Variants in CD55 observed in about 807,000 individuals in gnomAD.
The protein encoded by CD55 is complement decay-accelerating factor.
A neutral mutation model predicts 45.8 loss-of-function variants in CD55; 41 were observed. That is an observed-to-expected ratio of 0.90 (90% CI 0.70 to 1.16). The LOEUF (loss-of-function observed/expected upper bound fraction) is 1.16. Among genes scored for constraint, CD55 ranks in the 50% most tolerant of loss-of-function variants. The pLI is 0.00. For synonymous variants in CD55, 181 were observed against 181.1 expected, an observed-to-expected ratio of 1.00 and a Z score of 0.01; for missense variants, 416 against 469.8, an observed-to-expected ratio of 0.89 and a Z score of 1.06.
intron 9 of CD55, among the ~76,000 whole-genome samples, chr1:207,341,239 T>C (rs2102416194): frequency 6.6e-6 from 1 of 152,312 alleles, no homozygotes; most frequent in South Asian, 2.1e-4. Context: ...TGTTGATTGT[T>C]TCCTTTGCTG....
At chr1:207,339,978 T>C in intron 9 of CD55, among the ~76,000 whole-genome samples, 1 of 152,292 alleles carries the variant, frequency 6.6e-6, no homozygotes, top group East Asian at 1.9e-4. Flanking sequence ...TTTTAGGTCC[T>C]TTCTTCTAGT....
intron 3 of CD55, 28 bp from the exon 4 acceptor site, chr1:207,325,594 T>TA: frequency 2.1e-6 from 3 of 1,457,998 alleles, no homozygotes; most frequent in African/African-American, 2.8e-5. Flanking sequence ...AATTTAATTT[T>TA]AAAAAATCAA....
At chr1:207,338,432 A>C (rs1213944790) in intron 8 of CD55, among the ~76,000 whole-genome samples, 1 of 152,166 alleles carries the variant, frequency 6.6e-6, no homozygotes, top group Non-Finnish European at 1.5e-5. Flanking sequence ...TAATAGGGCA[A>C]GGCAAAGAGA....
chr1:207,353,533 G>A (rs1201402580), intron 9 of CD55, among the ~76,000 whole-genome samples: 1 of 152,066 alleles, frequency 6.6e-6, no homozygotes, highest in African/African-American at 2.4e-5. Context: ...AATAAGATGT[G>A]GTTACAGGGG....
chr1:207,321,967 G>T, intron 1 of CD55, 102 bp downstream of exon 1: 1 of 811,266 alleles, frequency 1.2e-6, no homozygotes, highest in Middle Eastern at 3.7e-4. Flanking sequence ...CAGGTGGGGA[G>T]CTTGGCCCGC....
chr1:207,325,733 C>T lies in CD55; in HGVS notation c.578+12C>T. The stretch of plus-strand genomic sequence containing the variant: ...TCATGTAACACAGGGTAAGTTTGGG[C>T]ATACTAAAACCCTGTATTTAGGAAA... On this transcript the variant is annotated intron_variant, in intron 4 of 9. Transcript: ENST00000367064. The T allele has an allele frequency of 6.8e-7, 1 of 1,471,076 alleles. No homozygotes were observed. The highest frequency in any genetic ancestry group is 9.5e-7 in the Non-Finnish European group (1 of 1,053,214). 91.1% of individuals were successfully genotyped at this position (1,471,076 alleles called of 1,614,324 possible). A position where few individuals can be genotyped will look rare whatever the true frequency, so the allele number is the denominator to read the frequency against.
chr1:207,327,511 G>C (rs1237111023), intron 5 of CD55, among the ~76,000 whole-genome samples: 2 of 152,102 alleles, frequency 1.3e-5, no homozygotes, highest in Non-Finnish European at 2.9e-5. Context: ...ATGTCAATTA[G>C]AGACACATGT....
chr1:207,335,506 A>G (rs561003757), intron 6 of CD55, among the ~76,000 whole-genome samples: 11 of 152,354 alleles, frequency 7.2e-5, no homozygotes, highest in East Asian at 1.9e-4. Flanking sequence ...CTAAGGTAGT[A>G]TATACATTCT....
intron 6 of CD55, among the ~76,000 whole-genome samples, chr1:207,336,328 C>A (rs1315589415): frequency 1.3e-5 from 2 of 152,122 alleles, no homozygotes; most frequent in Non-Finnish European, 2.9e-5. Context: ...TGTTCTAGAA[C>A]AACATCCTGT....
chr1:207,331,411 T>G, intron 6 of CD55, 115 bp downstream of exon 6: 3 of 793,360 alleles, frequency 3.8e-6, no homozygotes, highest in Non-Finnish European at 6.1e-6. Context: ...TACATATACA[T>G]ATTTGTATTT....
chr1:207,322,803 G>T (rs1654485197), intron 2 of CD55, among the ~76,000 whole-genome samples: 1 of 152,168 alleles, frequency 6.6e-6, no homozygotes, highest in Non-Finnish European at 1.5e-5. Flanking sequence ...CGAACTAGTA[G>T]AGAAAATAAA....
rs1482652186 is a variant in CD55, at chr1:207,321,781, C to A, written c.16C>A (p.Pro6Thr). Residue 6 changes from proline to threonine, a missense_variant, in exon 1 of 10, where the codon CCG (proline) becomes ACG (threonine). By Grantham distance (38) the Pro-to-Thr change is conservative. Around this residue, in one of 3 missense-constraint regions of CD55, gnomAD observed 123 missense variants for 105.1 expected, o/e 1.17. Transcript: ENST00000367064. ...CCGGCGCGCCATGACCGTCGCGCGG[C>A]CGAGCGTGCCCGCGGCGCTGCCCCT... MTVAR[P>T]SVPAALPLLG... is the part of the protein sequence containing the mutation. 4 of 1,520,396 alleles carry A rather than the reference C, an allele frequency of 2.6e-6. No individual in the cohort carries two copies. The South Asian group carries it at 3.6e-5, about 14-fold the overall frequency. The allele number at this position is 1,520,396 out of a possible 1,614,324, so 94.2% of individuals were successfully genotyped here.
intron 5 of CD55, among the ~76,000 whole-genome samples, chr1:207,329,446 T>C (rs1219860904): frequency 2.1e-4 from 32 of 152,204 alleles, no homozygotes; most frequent in Admixed American, 2.1e-3. Context: ...TAGACATCTA[T>C]TTCCTCCTTA....
chr1:207,351,253 T>A (rs550177182), intron 9 of CD55, among the ~76,000 whole-genome samples: 37 of 152,334 alleles, frequency 2.4e-4, no homozygotes, highest in African/African-American at 8.2e-4. Flanking sequence ...AAAATTGCTT[T>A]ATGGTTGAGC....
chr1:207,326,268 A>G (rs190553979), intron 4 of CD55, among the ~76,000 whole-genome samples: 4 of 152,328 alleles, frequency 2.6e-5, no homozygotes, highest in African/African-American at 9.6e-5. Context: ...CTGTAAATTA[A>G]ATAATTCTAT....
At chr1:207,323,654 T>G (rs2782828) in intron 2 of CD55, among the ~76,000 whole-genome samples, 116,405 of 152,118 alleles carry the variant, frequency 0.77, 45,879 homozygotes, top group African/African-American at 0.94. Context: ...TAGAAGCTAC[T>G]GTAAATACAG....
chr1:207,337,518 A>G (rs1655239142), intron 8 of CD55, 109 bp downstream of exon 8: 1 of 662,326 alleles, frequency 1.5e-6, no homozygotes, highest in African/African-American at 1.8e-5. Context: ...TATTGTAGCC[A>G]GGGTTTTTCA....
intron 4 of CD55, 58 bp downstream of exon 4, chr1:207,325,779 T>A: frequency 1.0e-6 from 1 of 956,826 alleles, no homozygotes; most frequent in Non-Finnish European, 1.7e-6. Flanking sequence ...AATTAGGACT[T>A]AAGGTGAGAT....
At chr1:207,351,487 T>C (rs754212179) in intron 9 of CD55, among the ~76,000 whole-genome samples, 1 of 152,212 alleles carries the variant, frequency 6.6e-6, no homozygotes, top group Non-Finnish European at 1.5e-5. Context: ...CATCTCTTCA[T>C]AGGTCTTTAA....
Sources: gnomAD v4.1 joint callset for allele counts (sites outside exome capture counted in the v4.1 genomes callset) on GRCh38, gnomAD v4.1.1 for gene constraint, gnomAD v4.1.1 regional missense constraint, MANE v1.5 for transcripts, NCBI Gene and HGNC (gene_info 2026-07-23, HGNC 2026-07-21) for gene names.